Variants in GBP7 observed in about 807,000 individuals in gnomAD.
The protein encoded by GBP7 is guanylate-binding protein 7.
In GBP7, 43 loss-of-function variants were observed where a neutral mutation model predicts 61.3. The observed-to-expected ratio is 0.70, with a 90% CI of 0.55 to 0.91. The LOEUF (loss-of-function observed/expected upper bound fraction) is 0.91. Ranked by LOEUF, GBP7 falls within the 40% of genes least tolerant of loss-of-function variation. The probability of loss-of-function intolerance (pLI) is 0.00; values close to 1 mark genes in which losing one functional copy is unlikely to be tolerated. For missense variants in GBP7, 717 were observed against 740.5 expected (o/e 0.97, Z 0.37); for synonymous variants, 267 against 271.0 (o/e 0.99, Z 0.14).
chr1:89,168,797 AAC>A (rs1647512775), intron 2 of GBP7, among the ~76,000 whole-genome samples: 1 of 151,738 alleles, frequency 6.6e-6, no homozygotes, highest in East Asian at 1.9e-4. Flanking sequence ...CAACAACAAC[AAC>A]AACAACAACA....
chr1:89,174,675 T>C (rs1647693484), intron 1 of GBP7, among the ~76,000 whole-genome samples: 1 of 152,226 alleles, frequency 6.6e-6, no homozygotes, highest in South Asian at 2.1e-4. Flanking sequence ...GGTTACCCAA[T>C]GGCTTCCTCC....
chr1:89,160,354 G>A (rs1682412442), intron 3 of GBP7, among the ~76,000 whole-genome samples: 1 of 152,056 alleles, frequency 6.6e-6, no homozygotes, highest in Non-Finnish European at 1.5e-5. Flanking sequence ...AGAACTTAAA[G>A]TATAATAAAA....
chr1:89,145,932 A>G (rs902888972), intron 8 of GBP7, among the ~76,000 whole-genome samples: 4 of 152,180 alleles, frequency 2.6e-5, no homozygotes, highest in Non-Finnish European at 4.4e-5. Flanking sequence ...TTTCTATCAA[A>G]ATTCCAATGG....
intron 2 of GBP7, among the ~76,000 whole-genome samples, chr1:89,169,487 GA>G (rs1399313535): frequency 6.6e-6 from 1 of 152,156 alleles, no homozygotes; most frequent in Non-Finnish European, 1.5e-5. Flanking sequence ...ATTAAGAAAG[GA>G]AAACTATAGT....
intron 9 of GBP7, among the ~76,000 whole-genome samples, chr1:89,134,430 C>T (rs565205483): frequency 1.3e-5 from 2 of 152,304 alleles, no homozygotes; most frequent in East Asian, 3.9e-4. Context: ...TGCCAGCACT[C>T]CTCATCGGTG....
chr1:89,167,429 T>G (rs553857128), intron 2 of GBP7, among the ~76,000 whole-genome samples: 1 of 152,132 alleles, frequency 6.6e-6, no homozygotes, highest in Non-Finnish European at 1.5e-5. Flanking sequence ...CTCTGTGTTT[T>G]TTTGTTTGTT....
chr1:89,159,701 G>A (rs908665471), intron 3 of GBP7, among the ~76,000 whole-genome samples: 1 of 152,152 alleles, frequency 6.6e-6, no homozygotes, highest in Non-Finnish European at 1.5e-5. Flanking sequence ...TCATTAAAAA[G>A]TCAGGAAACA....
At chr1:89,146,695 C>T (rs189996565) in intron 8 of GBP7, among the ~76,000 whole-genome samples, 55 of 152,224 alleles carry the variant, frequency 3.6e-4, no homozygotes, top group African/African-American at 1.3e-3. Context: ...AAAGCATGTT[C>T]CGCATCACTA....
At chr1:89,174,764 GACTTGATTATGTTA>G (rs1647696348) in intron 1 of GBP7, among the ~76,000 whole-genome samples, 1 of 152,108 alleles carries the variant, frequency 6.6e-6, no homozygotes, top group Non-Finnish European at 1.5e-5. Context: ...GTTGATTTTT[GACTTGATTATGTTA>G]ACAGATTTTG....
intron 1 of GBP7, among the ~76,000 whole-genome samples, chr1:89,175,383 C>T (rs909817573): frequency 1.3e-5 from 2 of 152,174 alleles, no homozygotes; most frequent in Admixed American, 1.3e-4. Context: ...AAACCAGAAA[C>T]TAAAAAGATT....
intron 3 of GBP7, among the ~76,000 whole-genome samples, chr1:89,158,446 T>A (rs1470830976): frequency 6.6e-6 from 1 of 152,214 alleles, no homozygotes; most frequent in Non-Finnish European, 1.5e-5. Flanking sequence ...GACATGATTG[T>A]ATATCTAGAA....
chr1:89,173,262 CAG>C (rs1466627106), intron 1 of GBP7, among the ~76,000 whole-genome samples: 6 of 152,146 alleles, frequency 3.9e-5, no homozygotes, highest in Non-Finnish European at 7.4e-5. Flanking sequence ...TAGACCCACT[CAG>C]GGGCAAAGTT....
chr1:89,157,511 C>T (rs551951292), intron 3 of GBP7, among the ~76,000 whole-genome samples: 36 of 151,928 alleles, frequency 2.4e-4, no homozygotes, highest in South Asian at 2.3e-3. Flanking sequence ...CAATAAAAAA[C>T]GATATAGGGC....
chr1:89,173,814 C>A (rs185298769), intron 1 of GBP7, among the ~76,000 whole-genome samples: 1 of 152,188 alleles, frequency 6.6e-6, no homozygotes, highest in Non-Finnish European at 1.5e-5. Flanking sequence ...AAATGCAGAG[C>A]TTTTCAAAAA....
intron 3 of GBP7, among the ~76,000 whole-genome samples, chr1:89,154,355 C>CT (rs1284740984): frequency 6.6e-6 from 1 of 152,050 alleles, no homozygotes; most frequent in African/African-American, 2.4e-5. Flanking sequence ...ATTCTATTTT[C>CT]TTTTTTTCTT....
intron 7 of GBP7, 79 bp downstream of exon 7, chr1:89,149,213 C>G: frequency 8.1e-7 from 1 of 1,232,098 alleles, no homozygotes; most frequent in Admixed American, 2.4e-5. Context: ...AGGAGATGAA[C>G]CATGGCATTA....
At position 89,152,265 on chromosome 1, in the gene GBP7, T is replaced by TA; in HGVS notation, c.625+2dup. 1 of 1,613,466 alleles carries TA rather than the reference T, an allele frequency of 6.2e-7. No homozygotes were observed. The highest frequency in any genetic ancestry group is 1.1e-5 in the South Asian group (1 of 91,028). On this transcript the variant is annotated splice_region_variant and intron_variant, in intron 5 of 10. Transcript: ENST00000294671. ...TTCTCCCATCTAGGCCATGCTCTGA[T>TA]ACCTGAAATCAGCTTCAAGGCATTC...
In GBP7 at chr1:89,149,633, G is replaced by T. The variant is rs1040615599; in HGVS notation, c.872-61C>A. ...AGTTTTCACTCATTGTTTTACGAGT[G>T]GTATGTATCAGCATTCTAAAAATCA... On this transcript the variant is annotated intron_variant, in intron 6 of 10. Coordinates refer to ENST00000294671, the MANE Select transcript of GBP7 (RefSeq NM_207398.3). 5.0e-6 allele frequency: 7 copies of T among 1,409,048 alleles called. No homozygotes were observed. The African/African-American group carries it at 5.7e-5, about 11-fold the overall frequency. 87.3% of individuals were successfully genotyped at this position (1,409,048 alleles called of 1,614,324 possible).
intron 9 of GBP7, among the ~76,000 whole-genome samples, chr1:89,140,263 A>G (rs10047077): frequency 0.72 from 98,928 of 137,366 alleles, 35,592 homozygotes; most frequent in East Asian, 0.8. Context: ...ACACAGGAAC[A>G]GGAACATCAC....
Sources: allele counts gnomAD v4.1 joint callset (sites outside exome capture counted in the v4.1 genomes callset), GRCh38; gene constraint gnomAD v4.1.1; transcripts MANE v1.5; gene names NCBI Gene and HGNC (gene_info 2026-07-23, HGNC 2026-07-21).